Variants in LIPM observed in about 807,000 individuals in gnomAD.
LIPM encodes the protein lipase family member M, also known as lipase member M.
A neutral mutation model predicts 42.4 loss-of-function variants in LIPM; 42 were observed. The ratio of observed to expected loss-of-function variants is 0.99; its 90% CI spans 0.77 to 1.28. The LOEUF is 1.28. LIPM is among the 50% of genes most tolerant of loss of function. LIPM has a pLI of 0.00. For synonymous variants in LIPM, 177 were observed against 173.3 expected, an observed-to-expected ratio of 1.02 and a Z score of -0.17; for missense variants, 524 against 520.1, an observed-to-expected ratio of 1.01 and a Z score of -0.07.
At chr10:88,817,048 C>A (rs918893820) in intron 7 of LIPM, among the ~76,000 whole-genome samples, 161 bp downstream of exon 7, 2 of 152,162 alleles carry the variant, frequency 1.3e-5, no homozygotes, top group African/African-American at 2.4e-5. Flanking sequence ...TGATCTAGAT[C>A]ACTGAAACTT....
rs200146701 is a variant in LIPM, at chr10:88,820,216, T to A, written c.1003-16T>A. 1.0e-4 allele frequency: 154 copies of A among 1,541,184 alleles called. No individual in the cohort carries two copies. The South Asian group carries it at 1.8e-3, about 18-fold the overall frequency. On this transcript the variant is annotated splice_polypyrimidine_tract_variant and intron_variant, in intron 8 of 8. Transcript: ENST00000404743. ...CCAAATGTTACCTAGAGTTAAGAAC[T>A]ATTCCTTTTCTCTAGCCAACTCCTG...
chr10:88,815,884 G>C lies in LIPM; in HGVS notation c.858+381G>C, dbSNP rs11202861. On this transcript the variant is annotated intron_variant, in intron 6 of 8. Coordinates refer to ENST00000404743, the MANE Select transcript of LIPM (RefSeq NM_001128215.1). ...TTAAGTTCTTTGATGGAACATCAGG[G>C]ACCTTCATTTTGGCTTAGGCTACCA... 2.0e-3 allele frequency among the ~76,000 whole-genome samples: 312 copies of C among 152,294 alleles called. 4 individuals are homozygous for C. In the East Asian group the frequency reaches 0.051, roughly 25 times the overall value.
intron 8 of LIPM, among the ~76,000 whole-genome samples, chr10:88,819,701 C>T (rs1039409826): frequency 6.6e-6 from 1 of 152,144 alleles, no homozygotes; most frequent in Admixed American, 6.5e-5. Flanking sequence ...CCCTTTAGCT[C>T]AAATTACCTG....
intron 6 of LIPM, among the ~76,000 whole-genome samples, chr10:88,816,176 A>T (rs1843716464): frequency 6.6e-6 from 1 of 152,120 alleles, no homozygotes; most frequent in African/African-American, 2.4e-5. Context: ...TCAGTCATTT[A>T]ATGTAGCCAT....
At chr10:88,803,131 T>C (rs1475494488) in intron 1 of LIPM, 88 bp downstream of exon 1, 5 of 1,361,868 alleles carry the variant, frequency 3.7e-6, no homozygotes, top group Non-Finnish European at 4.0e-6. Context: ...TATTTATACA[T>C]GGTGGTGATT....
At chr10:88,812,087 T>C (rs1843662845) in intron 2 of LIPM, among the ~76,000 whole-genome samples, 1 of 152,218 alleles carries the variant, frequency 6.6e-6, no homozygotes, top group Non-Finnish European at 1.5e-5. Flanking sequence ...GTTTTGTCTT[T>C]TTGATTTTTG....
chr10:88,802,816 G>T lies in LIPM; in HGVS notation c.-81G>T. Reference sequence around the variant, plus strand: ...GAATTGCAGCAGGAAAATATGTGAAGAGTTTTTAAACCCACAAATTCTTCT... The same window carrying T: ...GAATTGCAGCAGGAAAATATGTGAATAGTTTTTAAACCCACAAATTCTTCT... On this transcript the variant is annotated 5_prime_UTR_variant, in exon 1 of 9. Coordinates refer to ENST00000404743, the MANE Select transcript of LIPM (RefSeq NM_001128215.1). 3 of 1,384,846 alleles carry T rather than the reference G, an allele frequency of 2.2e-6. No individual in the cohort carries two copies. In the East Asian group the frequency reaches 7.7e-5, roughly 36 times the overall value. The allele number at this position is 1,384,846 out of a possible 1,614,324, so 85.8% of individuals were successfully genotyped here. A position where few individuals can be genotyped will look rare whatever the true frequency, so the allele number is the denominator to read the frequency against.
chr10:88,813,377 G>T, intron 3 of LIPM, 82 bp downstream of exon 3: 3 of 1,184,670 alleles, frequency 2.5e-6, no homozygotes, highest in African/African-American at 1.6e-5. Context: ...TCTAGTATTT[G>T]GTTGATTTAT....
chr10:88,809,722 G>A (rs1843630960), intron 2 of LIPM, among the ~76,000 whole-genome samples: 1 of 152,298 alleles, frequency 6.6e-6, no homozygotes, highest in South Asian at 2.1e-4. Context: ...GGGCTTTGGT[G>A]TAAAGAAACG....
Position 88,820,494 on chromosome 10 carries a change from T to TA in LIPM, c.1266dup (p.Leu423IlefsTer?), listed in dbSNP as rs752081337. Reference sequence around the variant, plus strand: ...CTTTCCCAGGGACGGTGTGAGGCCGTATTGTGAAGCATCTGACACTGACGA... The same window carrying TA: ...CTTTCCCAGGGACGGTGTGAGGCCGTAATTGTGAAGCATCTGACACTGACGA... On this transcript the variant is annotated frameshift_variant, in exon 9 of 9. Coordinates refer to ENST00000404743, the MANE Select transcript of LIPM (RefSeq NM_001128215.1). LOFTEE classifies it high-confidence loss of function. The TA allele has an allele frequency of 5.2e-6, 8 of 1,550,072 alleles. No homozygotes were observed. In the African/African-American group the frequency reaches 1.1e-4, roughly 21 times the overall value.
intron 6 of LIPM, 57 bp downstream of exon 6, chr10:88,815,560 G>T: frequency 6.7e-7 from 1 of 1,490,430 alleles, no homozygotes. Flanking sequence ...GAGTCATATG[G>T]CTCACCCCTG....
intron 8 of LIPM, among the ~76,000 whole-genome samples, chr10:88,818,150 A>G (rs1193938637): frequency 6.6e-6 from 1 of 152,208 alleles, no homozygotes; most frequent in Non-Finnish European, 1.5e-5. Flanking sequence ...GCTTCTCAGG[A>G]GCAAGATGAA....
intron 8 of LIPM, among the ~76,000 whole-genome samples, chr10:88,818,714 G>A (rs910828382): frequency 1.3e-5 from 2 of 152,002 alleles, no homozygotes; most frequent in African/African-American, 2.4e-5. Context: ...ATTAACATCC[G>A]CTGCCATATG....
intron 8 of LIPM, among the ~76,000 whole-genome samples, chr10:88,819,240 T>C (rs1452519135): frequency 6.6e-6 from 1 of 151,998 alleles, no homozygotes; most frequent in Non-Finnish European, 1.5e-5. Context: ...TCTAGAGAAA[T>C]TGATTCATGC....
intron 1 of LIPM, among the ~76,000 whole-genome samples, chr10:88,804,019 G>A (rs556146726): frequency 2.6e-5 from 4 of 152,282 alleles, no homozygotes; most frequent in African/African-American, 9.6e-5. Context: ...CTCAGAAAAT[G>A]GAACTTTAAC....
chr10:88,816,758 A>G, intron 6 of LIPM, 58 bp from the exon 7 acceptor site: 3 of 1,134,282 alleles, frequency 2.6e-6, no homozygotes, highest in Non-Finnish European at 2.6e-6. Context: ...TGGTCTTGAC[A>G]GGGTATACAT....
chr10:88,814,480 T>G, intron 3 of LIPM, 50 bp from the exon 4 acceptor site: 1 of 1,339,880 alleles, frequency 7.5e-7, no homozygotes, highest in South Asian at 1.3e-5. Flanking sequence ...GGAGCTTTTG[T>G]TTGTTTCTGA....
chr10:88,817,088 AGC>A (rs1843726886), intron 7 of LIPM, among the ~76,000 whole-genome samples: 1 of 152,252 alleles, frequency 6.6e-6, no homozygotes, highest in African/African-American at 2.4e-5. Context: ...GGACAGAAGT[AGC>A]CTAAGAACTT....
At position 88,816,767 on chromosome 10, in the gene LIPM, A is replaced by G. The variant is rs369808975; in HGVS notation, c.859-49A>G. 4.0e-6 allele frequency: 5 copies of G among 1,263,510 alleles called. No individual in the cohort carries two copies. In the African/African-American group the frequency reaches 7.4e-5, roughly 19 times the overall value. The allele number at this position is 1,263,510 out of a possible 1,614,324, so 78.3% of individuals were successfully genotyped here. On this transcript the variant is annotated intron_variant, in intron 6 of 8. Transcript: ENST00000404743. ...GAGATTTGGTCTTGACAGGGTATAC[A>G]TCTTGTGAGTTTTTCTATGTCCCCC...
Sources: gnomAD v4.1 joint callset for allele counts (sites outside exome capture counted in the v4.1 genomes callset) on GRCh38, gnomAD v4.1.1 for gene constraint, MANE v1.5 for transcripts, NCBI Gene and HGNC (gene_info 2026-07-23, HGNC 2026-07-21) for gene names.